Variants in GPD2 observed in about 807,000 individuals in gnomAD.
The protein encoded by GPD2 is glycerol-3-phosphate dehydrogenase, mitochondrial.
GPD2 carries 54 observed loss-of-function variants against 82.4 expected under a neutral mutation model. That is an observed-to-expected ratio of 0.66 (90% CI 0.53 to 0.82). GPD2 has a LOEUF of 0.82. Among genes scored for constraint, GPD2 ranks in the 40% least tolerant of loss-of-function variants. The pLI is 0.00. For synonymous variants in GPD2, 288 were observed against 306.1 expected, an observed-to-expected ratio of 0.94 and a Z score of 0.62; for missense variants, 748 against 896.2, an observed-to-expected ratio of 0.83 and a Z score of 2.11.
At chr2:156,405,218 G>A in the GPD2 span, among the ~76,000 whole-genome samples, 1 of 152,166 alleles carries the variant, frequency 6.6e-6, no homozygotes, top group Non-Finnish European at 1.5e-5. Flanking sequence ...ATAGACTTGG[G>A]GTGTAGTGTA....
At chr2:156,507,306 C>A (rs944249843) in intron 3 of GPD2, among the ~76,000 whole-genome samples, 1 of 146,620 alleles carries the variant, frequency 6.8e-6, no homozygotes, top group African/African-American at 2.5e-5. Context: ...CTGTGCCCAG[C>A]CACTTTTTCT....
chr2:156,414,148 T>C, the GPD2 span, among the ~76,000 whole-genome samples: 2 of 152,216 alleles, frequency 1.3e-5, no homozygotes, highest in Non-Finnish European at 2.9e-5. Context: ...GAATAGGGTC[T>C]TGATGTTATT....
chr2:156,416,518 T>G, the GPD2 span, among the ~76,000 whole-genome samples: 2 of 97,788 alleles, frequency 2.0e-5, no homozygotes, highest in African/African-American at 3.0e-5. Flanking sequence ...CAGCTAGTTT[T>G]TTTTTTTTTT....
At chr2:156,471,572 G>C (rs1683330237) in intron 1 of GPD2, among the ~76,000 whole-genome samples, 1 of 151,874 alleles carries the variant, frequency 6.6e-6, no homozygotes, top group African/African-American at 2.4e-5. Context: ...GTACCATGAT[G>C]CTCCCCTTTC....
At chr2:156,580,642 G>A (rs1165453564) in intron 16 of GPD2, among the ~76,000 whole-genome samples, 2 of 152,232 alleles carry the variant, frequency 1.3e-5, no homozygotes, top group East Asian at 3.9e-4. Context: ...TTAATGCTGG[G>A]GATTTTGGTC....
chr2:156,420,203 G>A, the GPD2 span, among the ~76,000 whole-genome samples: 1 of 151,596 alleles, frequency 6.6e-6, no homozygotes, highest in Non-Finnish European at 1.5e-5. Context: ...TCTTTTTGAG[G>A]CAGAGTCTCA....
intron 6 of GPD2, among the ~76,000 whole-genome samples, chr2:156,514,995 C>A (rs1685146870): frequency 6.6e-6 from 1 of 152,162 alleles, no homozygotes; most frequent in Non-Finnish European, 1.5e-5. Context: ...TGGCCTTTCC[C>A]TCTTATTACT....
At chr2:156,408,566 G>C in the GPD2 span, among the ~76,000 whole-genome samples, 29,751 of 151,512 alleles carry the variant, frequency 0.2, 3,312 homozygotes, top group Non-Finnish European at 0.24. Context: ...CCCTGCCCAT[G>C]ATCTCTACAA....
chr2:156,477,075 C>T lies in GPD2; in HGVS notation c.102+868C>T, dbSNP rs554694207. 7.2e-5 allele frequency among the ~76,000 whole-genome samples: 11 copies of T among 152,276 alleles called. No homozygotes were observed. The East Asian group carries it at 2.1e-3, about 29-fold the overall frequency. Reference sequence around the variant, plus strand: ...TTCTTGTTTCTGTTTCTTTGTGCTACAAGGTGGTGGAGCCAGGCGCATTGC... The same window carrying T: ...TTCTTGTTTCTGTTTCTTTGTGCTATAAGGTGGTGGAGCCAGGCGCATTGC... On this transcript the variant is annotated intron_variant, in intron 2 of 16. Coordinates refer to ENST00000438166, the MANE Select transcript of GPD2 (RefSeq NM_000408.5).
At chr2:156,524,007 T>G (rs950017263) in intron 6 of GPD2, among the ~76,000 whole-genome samples, 1 of 152,168 alleles carries the variant, frequency 6.6e-6, no homozygotes, top group Non-Finnish European at 1.5e-5. Flanking sequence ...TATTTTAGAT[T>G]CAGGGGCACA....
At chr2:156,505,119 C>T (rs922287289) in intron 3 of GPD2, among the ~76,000 whole-genome samples, 8 of 152,076 alleles carry the variant, frequency 5.3e-5, no homozygotes, top group Non-Finnish European at 1.2e-4. Flanking sequence ...CTTCTATATT[C>T]ATCCAACTGT....
Position 156,496,216 on chromosome 2 carries a change from G to T in GPD2, c.274+1G>T, listed in dbSNP as rs1558927996. On this transcript the variant is annotated splice_donor_variant, in intron 3 of 16. Coordinates refer to ENST00000438166, the MANE Select transcript of GPD2 (RefSeq NM_000408.5). LOFTEE classifies it high-confidence loss of function. ...TGTGCGCTAGATGCTGTCACCAGAG[G>T]TAAGTCTTTTTTTTTTTTATTTTAA... 1 of 1,600,084 alleles carries T rather than the reference G, an allele frequency of 6.2e-7. No individual in the cohort carries two copies. The highest frequency in any genetic ancestry group is 1.7e-5 in the Admixed American group (1 of 59,868).
chr2:156,549,498 T>A (rs1296658295), intron 6 of GPD2, 110 bp from the exon 7 acceptor site: 2 of 956,132 alleles, frequency 2.1e-6, no homozygotes, highest in African/African-American at 3.2e-5. Context: ...ATCATGCATA[T>A]CCTGGGTGAC....
the GPD2 span, among the ~76,000 whole-genome samples, chr2:156,403,397 C>G: frequency 6.6e-6 from 1 of 152,114 alleles, no homozygotes; most frequent in African/African-American, 2.4e-5. Context: ...CTCTCTTACC[C>G]TTTCTCCTTG....
the GPD2 span, among the ~76,000 whole-genome samples, chr2:156,403,167 A>G: frequency 6.6e-6 from 1 of 150,408 alleles, no homozygotes; most frequent in Non-Finnish European, 1.5e-5. Context: ...TCTTATGTAA[A>G]ACATTACTAG....
At chr2:156,408,414 C>T in the GPD2 span, among the ~76,000 whole-genome samples, 1 of 152,104 alleles carries the variant, frequency 6.6e-6, no homozygotes, top group South Asian at 2.1e-4. Context: ...GAAAGCATCG[C>T]CTGGGAACTG....
the GPD2 span, among the ~76,000 whole-genome samples, chr2:156,426,124 C>T: frequency 3.3e-5 from 5 of 151,992 alleles, no homozygotes; most frequent in East Asian, 3.9e-4. Context: ...GGGGTTTCAC[C>T]GTTTTAGCCG....
intron 6 of GPD2, among the ~76,000 whole-genome samples, chr2:156,528,419 T>A (rs890579053): frequency 4.6e-5 from 7 of 151,348 alleles, no homozygotes; most frequent in Non-Finnish European, 1.0e-4. Flanking sequence ...TCTTTTTTTC[T>A]TTTATTTATT....
At position 156,583,933 on chromosome 2, in the gene GPD2, C is replaced by G. The variant is rs368408762; in HGVS notation, c.*1015C>G. On this transcript the variant is annotated 3_prime_UTR_variant, in exon 17 of 17. Coordinates refer to ENST00000438166, the MANE Select transcript of GPD2 (RefSeq NM_000408.5). Reference sequence around the variant, plus strand: ...TTACCATCTTTTTTGGGGGTACTTGCAACCATAGTAAAGGAAGATGGAATA... The same window carrying G: ...TTACCATCTTTTTTGGGGGTACTTGGAACCATAGTAAAGGAAGATGGAATA... 1.3e-5 allele frequency: 2 copies of G among 152,238 alleles called. No homozygotes were observed. The highest frequency in any genetic ancestry group is 1.9e-4 in the East Asian group (1 of 5,182). The allele number at this position is 152,238 out of a possible 1,614,324, so 9.4% of individuals were successfully genotyped here.
Sources: allele counts gnomAD v4.1 joint callset (sites outside exome capture counted in the v4.1 genomes callset), GRCh38; gene constraint gnomAD v4.1.1; transcripts MANE v1.5; gene names NCBI Gene and HGNC (gene_info 2026-07-23, HGNC 2026-07-21).